The following BLTP1 variants were observed in gnomAD, a reference collection of about 807,000 sequenced individuals.
BLTP1 encodes bridge-like lipid transfer protein family member 1.
chr4:122,249,728 T>C, the BLTP1 span: 1 of 1,604,572 alleles, frequency 6.2e-7, no homozygotes, highest in Non-Finnish European at 8.5e-7. Context: ...GACAAATATG[T>C]CCTATATTGC....
chr4:122,274,564 C>T, the BLTP1 span: 3 of 1,389,868 alleles, frequency 2.2e-6, no homozygotes, highest in African/African-American at 3.1e-5. Flanking sequence ...AGAATCCTGT[C>T]GTTAAGAATA....
the BLTP1 span, chr4:122,223,182 TGTA>T: frequency 1.0e-6 from 1 of 967,810 alleles, no homozygotes; most frequent in Non-Finnish European, 1.2e-6. Flanking sequence ...GAGTGATTAT[TGTA>T]GTCACAATTT....
the BLTP1 span, chr4:122,267,051 A>ATTTTTTTTTTTTGTTTTTT: frequency 7.2e-6 from 1 of 138,564 alleles, no homozygotes; most frequent in Non-Finnish European, 1.3e-5. Flanking sequence ...TAAGGAAGTA[A>ATTTTTTTTTTTTGTTTTTT]TTTTTTTTTT....
the BLTP1 span, chr4:122,289,486 C>T: frequency 3.1e-6 from 3 of 982,260 alleles, no homozygotes; most frequent in East Asian, 1.1e-4. Flanking sequence ...TAATCATACT[C>T]ATTTGGGAAC....
chr4:122,265,270 T>C, the BLTP1 span, among the ~76,000 whole-genome samples: 10 of 152,234 alleles, frequency 6.6e-5, no homozygotes, highest in Non-Finnish European at 1.0e-4. Context: ...CATCCTTCTG[T>C]ATACTTTAAA....
chr4:122,362,300 G>A, the BLTP1 span: 1 of 1,359,718 alleles, frequency 7.4e-7, no homozygotes, highest in African/African-American at 1.5e-5. Context: ...TTATTACACT[G>A]GAGTGTTTTT....
the BLTP1 span, chr4:122,331,845 C>T: frequency 1.2e-6 from 1 of 850,962 alleles, no homozygotes; most frequent in Non-Finnish European, 1.4e-6. Context: ...CTGTATTATA[C>T]ATATTTCAGT....
chr4:122,281,112 C>A, the BLTP1 span, among the ~76,000 whole-genome samples: 1 of 152,218 alleles, frequency 6.6e-6, no homozygotes, highest in South Asian at 2.1e-4. Context: ...ACACAATGCA[C>A]TAAGAACAGT....
the BLTP1 span, among the ~76,000 whole-genome samples, chr4:122,164,053 A>AT: frequency 6.6e-6 from 1 of 152,178 alleles, no homozygotes; most frequent in African/African-American, 2.4e-5. Context: ...TTGCTAAGGT[A>AT]TTAACTGATA....
chr4:122,342,024 A>G, the BLTP1 span, among the ~76,000 whole-genome samples: 18 of 152,314 alleles, frequency 1.2e-4, no homozygotes, highest in African/African-American at 4.3e-4. Context: ...GAGAGATAGG[A>G]AAGAGCCAAC....
chr4:122,345,320 T>A, the BLTP1 span, among the ~76,000 whole-genome samples: 4 of 151,970 alleles, frequency 2.6e-5, no homozygotes, highest in Non-Finnish European at 5.9e-5. Context: ...GTATGAGAAA[T>A]CAGAAAAGGC....
the BLTP1 span, chr4:122,344,726 G>T: frequency 1.6e-6 from 2 of 1,261,704 alleles, no homozygotes; most frequent in Non-Finnish European, 2.1e-6. Flanking sequence ...GTCAATCCAA[G>T]TAATAAATGT....
chr4:122,350,466 C>CATGT, the BLTP1 span: 5 of 870,560 alleles, frequency 5.7e-6, no homozygotes, highest in Non-Finnish European at 6.9e-6. Flanking sequence ...AAGCTACAAC[C>CATGT]ATGTGCTTAG....
chr4:122,328,491 TA>T, the BLTP1 span: 1 of 789,444 alleles, frequency 1.3e-6, no homozygotes, highest in Non-Finnish European at 1.8e-6. Flanking sequence ...ACAGACTCAT[TA>T]AAATAAAATT....
At chr4:122,265,930 G>A in the BLTP1 span, among the ~76,000 whole-genome samples, 10 of 152,266 alleles carry the variant, frequency 6.6e-5, no homozygotes, top group African/African-American at 1.2e-4. Context: ...ATCTGACCTC[G>A]TGATCCACCT....
chr4:122,226,638 A>G, the BLTP1 span: 2 of 1,586,388 alleles, frequency 1.3e-6, no homozygotes, highest in Non-Finnish European at 8.5e-7. Context: ...ATTCTTCAGA[A>G]GCTTTTGAAC....
At chr4:122,353,671 A>G in the BLTP1 span, 4 of 951,602 alleles carry the variant, frequency 4.2e-6, no homozygotes, top group Non-Finnish European at 6.0e-6. The surrounding 1 kb of genome is among the most constrained non-coding windows in gnomAD (Gnocchi z 4.3). Flanking sequence ...TTTGTGAATT[A>G]TTTGGTTTTT....
chr4:122,259,512 T>G, the BLTP1 span, among the ~76,000 whole-genome samples: 44 of 152,224 alleles, frequency 2.9e-4, no homozygotes, highest in Admixed American at 8.5e-4. Flanking sequence ...GTTATTGTTG[T>G]TGGTGGTTCT....
the BLTP1 span, chr4:122,177,837 A>G: frequency 4.6e-5 from 7 of 152,194 alleles, no homozygotes; most frequent in African/African-American, 1.2e-4. Context: ...TCTTTGTTCC[A>G]CTAACCTTGC....
Sources: gnomAD v4.1 joint callset for allele counts (sites outside exome capture counted in the v4.1 genomes callset) on GRCh38, gnomAD v4.1.1 for gene constraint, Gnocchi (gnomAD v3.1) non-coding constraint, MANE v1.5 for transcripts, NCBI Gene and HGNC (gene_info 2026-07-23, HGNC 2026-07-21) for gene names.